The following HCN1 variants were observed in gnomAD, a reference collection of about 807,000 sequenced individuals.
The protein encoded by HCN1 is hyperpolarization activated cyclic nucleotide gated potassium channel 1.
In HCN1, 13 loss-of-function variants were observed where a neutral mutation model predicts 78.9. The ratio of observed to expected loss-of-function variants is 0.16; its 90% CI spans 0.11 to 0.26. HCN1 has a LOEUF of 0.26. HCN1 is among the 10% of genes least tolerant of loss of function. The pLI is 1.00. For missense variants in HCN1, 810 were observed against 1,154.3 expected, an observed-to-expected ratio of 0.70 and a Z score of 4.32; for synonymous variants, 552 against 455.5, an observed-to-expected ratio of 1.21 and a Z score of -2.70.
chr5:45,333,300 C>G (rs1746384033), intron 5 of HCN1, among the ~76,000 whole-genome samples: 1 of 151,714 alleles, frequency 6.6e-6, no homozygotes, highest in African/African-American at 2.4e-5. Context: ...TGAGAAATGT[C>G]TATTCAAATC....
At chr5:45,287,137 A>G (rs1036511463) in intron 6 of HCN1, among the ~76,000 whole-genome samples, 3 of 151,572 alleles carry the variant, frequency 2.0e-5, no homozygotes, top group Admixed American at 6.6e-5. Context: ...TTATAATTCA[A>G]TAGAAGTGGG....
chr5:45,494,673 C>A (rs1000834269), intron 2 of HCN1, among the ~76,000 whole-genome samples: 54 of 151,852 alleles, frequency 3.6e-4, no homozygotes, highest in Non-Finnish European at 7.4e-4. Context: ...AAGTCCTTGC[C>A]CATGCCTATG....
chr5:45,489,579 A>G (rs568374352), intron 2 of HCN1, among the ~76,000 whole-genome samples: 31 of 152,234 alleles, frequency 2.0e-4, no homozygotes, highest in African/African-American at 7.5e-4. Context: ...ACCATGATTA[A>G]AGCTGTGGTC....
At chr5:45,313,407 A>G (rs1295738552) in intron 5 of HCN1, among the ~76,000 whole-genome samples, 3 of 152,192 alleles carry the variant, frequency 2.0e-5, no homozygotes, top group African/African-American at 7.2e-5. Flanking sequence ...AAAACCACAA[A>G]GGTGGGGAAA....
At chr5:45,625,286 G>A (rs1028514995) in intron 2 of HCN1, among the ~76,000 whole-genome samples, 5 of 151,658 alleles carry the variant, frequency 3.3e-5, no homozygotes, top group African/African-American at 1.2e-4. Flanking sequence ...CTGGGTGACA[G>A]AGCAAGACTC....
At chr5:45,293,759 C>T (rs1439133722) in intron 6 of HCN1, among the ~76,000 whole-genome samples, 1 of 151,922 alleles carries the variant, frequency 6.6e-6, no homozygotes, top group African/African-American at 2.4e-5. Flanking sequence ...ACACAGAACT[C>T]TGAGGTGAGG....
intron 1 of HCN1, among the ~76,000 whole-genome samples, chr5:45,648,625 C>G (rs973751138): frequency 2.0e-5 from 3 of 152,026 alleles, no homozygotes; most frequent in African/African-American, 7.2e-5. Context: ...TAAAAATTGA[C>G]CTCATGAAAA....
intron 2 of HCN1, among the ~76,000 whole-genome samples, chr5:45,471,933 C>T (rs1027388957): frequency 6.6e-6 from 1 of 151,746 alleles, no homozygotes; most frequent in Non-Finnish European, 1.5e-5. Context: ...AAATATGGTC[C>T]ACTTGGCATC....
intron 4 of HCN1, among the ~76,000 whole-genome samples, chr5:45,374,275 T>C (rs1205421768): frequency 9.6e-6 from 1 of 104,580 alleles, no homozygotes; most frequent in Non-Finnish European, 1.7e-5. Flanking sequence ...ATATATATTA[T>C]ATACATTATA....
chr5:45,617,655 C>A (rs1346690272), intron 2 of HCN1, among the ~76,000 whole-genome samples: 2 of 152,022 alleles, frequency 1.3e-5, no homozygotes, highest in Admixed American at 1.3e-4. Flanking sequence ...CCTTAATTTC[C>A]TTTTGTAAAA....
chr5:45,593,704 T>G (rs1178891093), intron 2 of HCN1, among the ~76,000 whole-genome samples: 1 of 151,828 alleles, frequency 6.6e-6, no homozygotes, highest in Non-Finnish European at 1.5e-5. Flanking sequence ...AGACAGAGTC[T>G]TGCTCTTTTG....
intron 2 of HCN1, among the ~76,000 whole-genome samples, chr5:45,640,514 T>C (rs1229809025): frequency 6.6e-6 from 1 of 152,140 alleles, no homozygotes; most frequent in East Asian, 1.9e-4. Flanking sequence ...TGGAAAGGTA[T>C]TGACTGTCAC....
intron 2 of HCN1, among the ~76,000 whole-genome samples, chr5:45,502,312 A>C (rs1456055971): frequency 1.3e-5 from 2 of 151,826 alleles, no homozygotes; most frequent in Non-Finnish European, 2.9e-5. Context: ...TACTAAAAAA[A>C]AAAAACAAAA....
intron 1 of HCN1, among the ~76,000 whole-genome samples, chr5:45,677,874 TAGG>T (rs1739618632): frequency 6.6e-6 from 1 of 151,830 alleles, no homozygotes; most frequent in South Asian, 2.1e-4. Flanking sequence ...TTACTCAAGT[TAGG>T]AGGATAAATG....
intron 3 of HCN1, among the ~76,000 whole-genome samples, chr5:45,408,608 C>T (rs1050317994): frequency 6.6e-6 from 1 of 152,066 alleles, no homozygotes; most frequent in South Asian, 2.1e-4. Context: ...CAGAGTGTTT[C>T]TTCATCTTTC....
At chr5:45,664,982 A>G (rs1245681825) in intron 1 of HCN1, among the ~76,000 whole-genome samples, 5 of 151,708 alleles carry the variant, frequency 3.3e-5, no homozygotes, top group Admixed American at 2.0e-4. Flanking sequence ...TCATGCTGCT[A>G]TAAAGACACA....
At chr5:45,496,896 T>C (rs910649927) in intron 2 of HCN1, among the ~76,000 whole-genome samples, 6 of 152,346 alleles carry the variant, frequency 3.9e-5, no homozygotes, top group African/African-American at 1.4e-4. Context: ...GATTCTGGTA[T>C]ACTCTGTCTT....
intron 5 of HCN1, among the ~76,000 whole-genome samples, chr5:45,306,528 C>A (rs961699018): frequency 6.6e-6 from 1 of 151,970 alleles, no homozygotes; most frequent in African/African-American, 2.4e-5. Flanking sequence ...ACTGTAAATT[C>A]TAACAGATAT....
intron 5 of HCN1, among the ~76,000 whole-genome samples, chr5:45,337,571 C>T (rs1045475645): frequency 1.3e-5 from 2 of 151,982 alleles, no homozygotes; most frequent in Admixed American, 6.6e-5. Context: ...ATTTTTTCCA[C>T]GAAGTAATTA....
Sources: gnomAD v4.1 joint callset for allele counts (sites outside exome capture counted in the v4.1 genomes callset) on GRCh38, gnomAD v4.1.1 for gene constraint, MANE v1.5 for transcripts, NCBI Gene and HGNC (gene_info 2026-07-23, HGNC 2026-07-21) for gene names.